SPADH: variants seen among roughly 807,000 people sequenced by gnomAD.
The protein encoded by SPADH is spermadhesin family member, also known as CUB domain-containing protein.
At chr10:122,677,159 T>C in the SPADH span, among the ~76,000 whole-genome samples, 1 of 152,240 alleles carries the variant, frequency 6.6e-6, no homozygotes, top group Non-Finnish European at 1.5e-5. Context: ...GACCCTGCTA[T>C]GGGCTGTGCC....
chr10:122,672,982 A>G, the SPADH span: 3 of 957,916 alleles, frequency 3.1e-6, no homozygotes, highest in Non-Finnish European at 3.7e-6. Flanking sequence ...TTCCTTTTCA[A>G]CTGCAGAGAT....
At chr10:122,673,107 T>C in the SPADH span, among the ~76,000 whole-genome samples, 1 of 152,212 alleles carries the variant, frequency 6.6e-6, no homozygotes, top group Non-Finnish European at 1.5e-5. Flanking sequence ...AATAGGAAAA[T>C]ATCTATGTCA....
chr10:122,676,987 T>C, the SPADH span: 1 of 834,156 alleles, frequency 1.2e-6, no homozygotes, highest in Non-Finnish European at 1.4e-6. Context: ...ACCCTATCCA[T>C]GACAGCCATT....
the SPADH span, among the ~76,000 whole-genome samples, chr10:122,674,197 C>G: frequency 1.8e-4 from 28 of 152,236 alleles, no homozygotes; most frequent in Admixed American, 1.4e-3. Context: ...CCCCTCTTAA[C>G]CTCAGCTGTA....
At chr10:122,676,524 T>A in the SPADH span, among the ~76,000 whole-genome samples, 2 of 152,236 alleles carry the variant, frequency 1.3e-5, no homozygotes, top group Non-Finnish European at 2.9e-5. Flanking sequence ...TATTTCCCAC[T>A]GGTCATAAAC....
At chr10:122,675,053 T>A in the SPADH span, among the ~76,000 whole-genome samples, 2 of 152,284 alleles carry the variant, frequency 1.3e-5, no homozygotes, top group Middle Eastern at 3.4e-3. Flanking sequence ...CTAACTCCAG[T>A]CCCTGAATAG....
the SPADH span, chr10:122,679,156 G>A: frequency 3.3e-6 from 1 of 300,938 alleles, no homozygotes; most frequent in Non-Finnish European, 4.9e-6. Flanking sequence ...AAATAAGATT[G>A]AGTCATAGTT....
At chr10:122,674,954 C>T in the SPADH span, among the ~76,000 whole-genome samples, 8 of 152,288 alleles carry the variant, frequency 5.3e-5, no homozygotes, top group South Asian at 2.1e-4. Context: ...TGGGCCTGCC[C>T]GCTAGATCAT....
At chr10:122,675,468 A>T in the SPADH span, among the ~76,000 whole-genome samples, 10 of 152,100 alleles carry the variant, frequency 6.6e-5, no homozygotes, top group Admixed American at 2.0e-4. Context: ...GTTCCCATAA[A>T]TGGGGACAGT....
chr10:122,672,933 G>A, the SPADH span: 20 of 985,390 alleles, frequency 2.0e-5, no homozygotes, highest in South Asian at 1.4e-4. Context: ...TATAGGTAAC[G>A]CATGGCCCCA....
the SPADH span, among the ~76,000 whole-genome samples, chr10:122,673,292 G>T: frequency 1.1e-4 from 16 of 152,302 alleles, no homozygotes; most frequent in Non-Finnish European, 1.6e-4. Context: ...TTTCCAGGTG[G>T]TCTGACGGCA....
the SPADH span, among the ~76,000 whole-genome samples, chr10:122,676,513 C>T: frequency 6.6e-6 from 1 of 152,322 alleles, no homozygotes; most frequent in Non-Finnish European, 1.5e-5. Flanking sequence ...TTAAGTTCCT[C>T]TATTTCCCAC....
the SPADH span, among the ~76,000 whole-genome samples, chr10:122,674,271 A>C: frequency 6.6e-6 from 1 of 152,224 alleles, no homozygotes; most frequent in Non-Finnish European, 1.5e-5. Flanking sequence ...CCATTCAAGC[A>C]AATTTAGAAA....
chr10:122,675,291 A>G, the SPADH span, among the ~76,000 whole-genome samples: 5 of 152,154 alleles, frequency 3.3e-5, no homozygotes, highest in African/African-American at 1.2e-4. Context: ...TAAGCTGACT[A>G]CTCTATCAGA....
chr10:122,678,614 C>T, the SPADH span, among the ~76,000 whole-genome samples: 2 of 152,176 alleles, frequency 1.3e-5, no homozygotes, highest in African/African-American at 2.4e-5. Flanking sequence ...GACTGGGAAG[C>T]CACCTGCTGC....
At chr10:122,675,560 T>C in the SPADH span, 1 of 449,306 alleles carries the variant, frequency 2.2e-6, no homozygotes, top group Non-Finnish European at 2.9e-6. Flanking sequence ...CTTCACAGTG[T>C]AGTCATTTTC....
At chr10:122,674,633 T>C in the SPADH span, among the ~76,000 whole-genome samples, 443 of 152,328 alleles carry the variant, frequency 2.9e-3, 2 homozygotes, top group Middle Eastern at 0.024. Context: ...TTGACTTTCT[T>C]GTCAGAATAG....
At chr10:122,676,768 G>C in the SPADH span, 1 of 985,280 alleles carries the variant, frequency 1.0e-6, no homozygotes, top group African/African-American at 1.7e-5. Flanking sequence ...CCCAGTGACT[G>C]TGGGGGCCAC....
the SPADH span, chr10:122,675,735 G>C: frequency 1.4e-6 from 1 of 700,988 alleles, no homozygotes; most frequent in Non-Finnish European, 1.8e-6. Flanking sequence ...TTTTGGGGTT[G>C]AAATCCAAAT....
Sources: allele counts gnomAD v4.1 joint callset (sites outside exome capture counted in the v4.1 genomes callset), GRCh38; gene constraint gnomAD v4.1.1; transcripts MANE v1.5; gene names NCBI Gene and HGNC (gene_info 2026-07-23, HGNC 2026-07-21).